Variants in TCEA3 observed in about 807,000 individuals in gnomAD.
The protein encoded by TCEA3 is transcription elongation factor A3.
TCEA3 carries 36 observed loss-of-function variants against 44.0 expected under a neutral mutation model. The observed-to-expected ratio is 0.82, with a 90% confidence interval of 0.63 to 1.08. The LOEUF is 1.08. TCEA3 is among the 50% of genes least tolerant of loss of function. TCEA3 has a pLI of 0.00. For synonymous variants in TCEA3, 162 were observed against 159.7 expected (o/e 1.01, Z -0.11); for missense variants, 392 against 441.2 (o/e 0.89, Z 1.00).
chr1:23,392,273 A>G (rs1015839407), intron 8 of TCEA3, among the ~76,000 whole-genome samples: 1 of 150,306 alleles, frequency 6.7e-6, no homozygotes, highest in African/African-American at 2.4e-5. Flanking sequence ...CATGCCACAC[A>G]TACACAAACC....
chr1:23,381,399 C>T lies in TCEA3; in HGVS notation c.*67G>A, dbSNP rs1638668604. ...TCCTTCACTTTAATTTTTATTGCTT[C>T]TCCAGTTCAGATAATTCAGCGCTTC... On this transcript the variant is annotated 3_prime_UTR_variant, in exon 11 of 11. Transcript: ENST00000450454. The T allele has an allele frequency of 1.3e-6, 1 of 777,752 alleles. No individual in the cohort carries two copies. 48.2% of individuals were successfully genotyped at this position (777,752 alleles called of 1,614,324 possible).
Position 23,394,023 on chromosome 1 carries a change from T to A in TCEA3, c.675A>T (p.Gln225His), listed in dbSNP as rs1488187843. The change falls in exon 8 of 11, where the codon CAA (glutamine) becomes CAT (histidine). Residue 225 changes from glutamine (Q) to histidine (H), a missense_variant. Gln to His is a conservative substitution (Grantham distance 24, BLOSUM62 0). Coordinates refer to ENST00000450454, the MANE Select transcript of TCEA3 (RefSeq NM_003196.3). ...ACTTCATGTCCGTGCTCTTGAGCTC[T>A]TGGTAGATATGTGACACAGTCAAGG... ...MASEIEDHIY[Q>H]ELKSTDMKYR... 3 of 1,613,904 alleles carry A rather than the reference T, an allele frequency of 1.9e-6. No homozygotes were observed. The South Asian group carries it at 3.3e-5, about 18-fold the overall frequency.
intron 7 of TCEA3, among the ~76,000 whole-genome samples, chr1:23,396,848 G>A (rs1639229589): frequency 6.6e-6 from 1 of 151,812 alleles, no homozygotes; most frequent in East Asian, 1.9e-4. Context: ...CCTACTAAAA[G>A]TACAAAATTA....
At chr1:23,408,521 G>T in intron 5 of TCEA3, 143 bp downstream of exon 5, 1 of 785,826 alleles carries the variant, frequency 1.3e-6, no homozygotes, top group Non-Finnish European at 2.0e-6. Context: ...AGACTGTGTG[G>T]GTCTTAGAAT....
chr1:23,396,702 A>T (rs535951288), intron 7 of TCEA3, among the ~76,000 whole-genome samples: 6 of 152,038 alleles, frequency 3.9e-5, no homozygotes, highest in Non-Finnish European at 8.8e-5. Flanking sequence ...ATTTGGGAGT[A>T]AAAAAACAGA....
chr1:23,383,226 G>T (rs1279384943), intron 10 of TCEA3, among the ~76,000 whole-genome samples: 1 of 148,722 alleles, frequency 6.7e-6, no homozygotes, highest in Non-Finnish European at 1.5e-5. Context: ...CTTGCAGTGA[G>T]CAGAGATCAC....
At chr1:23,417,464 G>T in intron 3 of TCEA3, 74 bp from the exon 4 acceptor site, 1 of 1,538,248 alleles carries the variant, frequency 6.5e-7, no homozygotes. Context: ...TTAGTGGGGA[G>T]AGAGCAAAGG....
At chr1:23,401,642 G>A (rs1639397996) in intron 5 of TCEA3, among the ~76,000 whole-genome samples, 1 of 152,154 alleles carries the variant, frequency 6.6e-6, no homozygotes, top group Admixed American at 6.5e-5. Context: ...CCCCAAAACT[G>A]GTTTCCCTGT....
chr1:23,402,047 A>C (rs975093888), intron 5 of TCEA3, among the ~76,000 whole-genome samples: 1 of 152,228 alleles, frequency 6.6e-6, no homozygotes, highest in African/African-American at 2.4e-5. Context: ...TTTAGCATAA[A>C]GTAAAACTCC....
chr1:23,389,044 A>C (rs1450739766), intron 8 of TCEA3, among the ~76,000 whole-genome samples: 1 of 152,176 alleles, frequency 6.6e-6, no homozygotes, highest in Non-Finnish European at 1.5e-5. Flanking sequence ...TTTAAGTCCT[A>C]GTGTGTTAAA....
At position 23,383,424 on chromosome 1, in the gene TCEA3, C is replaced by T. The variant is rs994732022; in HGVS notation, c.1038+922G>A. 17 of 943,526 alleles carry T rather than the reference C, an allele frequency of 1.8e-5. No individual in the cohort carries two copies. The African/African-American group carries it at 3.0e-4, about 17-fold the overall frequency. The allele number at this position is 943,526 out of a possible 1,614,324, so 58.4% of individuals were successfully genotyped here. ...AAGTAAGAATAACATTATAAAGGAACAATTCTTGTAGTTGTTTGCAAAGTG... is the reference window on the plus strand; with the variant it reads ...AAGTAAGAATAACATTATAAAGGAATAATTCTTGTAGTTGTTTGCAAAGTG... On this transcript the variant is annotated intron_variant, in intron 10 of 10. Transcript: ENST00000450454.
At position 23,413,536 on chromosome 1, in the gene TCEA3, C is replaced by T. The variant is rs534996633; in HGVS notation, c.380+3713G>A. Among the ~76,000 whole-genome samples the T allele has an allele frequency of 1.5e-4, 23 of 151,974 alleles. No homozygotes were observed. The South Asian group carries it at 1.7e-3, about 11-fold the overall frequency. On this transcript the variant is annotated intron_variant, in intron 4 of 10. Coordinates refer to ENST00000450454, the MANE Select transcript of TCEA3 (RefSeq NM_003196.3). ...GCAACCTCAGCCTCCCAAATTCAAG[C>T]GATCCTCCTGCCTCAGCCTCCCAAG...
chr1:23,394,036 G>A lies in TCEA3; in HGVS notation c.665-3C>T. 1.2e-6 allele frequency: 2 copies of A among 1,613,958 alleles called. No homozygotes were observed. Among genetic ancestry groups the A allele is most frequent in the Non-Finnish European group, 1.7e-6 (2 of 1,179,878 alleles). On this transcript the variant is annotated splice_polypyrimidine_tract_variant and splice_region_variant and intron_variant, in intron 7 of 10. Coordinates refer to ENST00000450454, the MANE Select transcript of TCEA3 (RefSeq NM_003196.3). ...GCTCTTGAGCTCTTGGTAGATATGT[G>A]ACACAGTCAAGGGCCGGCCAGCCAT...
At chr1:23,383,681 C>T (rs1638737436) in intron 10 of TCEA3, 8 of 985,340 alleles carry the variant, frequency 8.1e-6, no homozygotes, top group Admixed American at 6.1e-5. Flanking sequence ...TCACATGGTG[C>T]ACATGCAAGT....
intron 5 of TCEA3, among the ~76,000 whole-genome samples, chr1:23,400,495 C>A (rs1639367930): frequency 6.6e-6 from 1 of 151,796 alleles, no homozygotes; most frequent in Non-Finnish European, 1.5e-5. Context: ...AGGCATGAGC[C>A]ACTGTGCCTG....
chr1:23,413,986 G>GTATATATATATATATATATA (rs33960365), intron 4 of TCEA3, among the ~76,000 whole-genome samples: 32 of 141,022 alleles, frequency 2.3e-4, no homozygotes, highest in African/African-American at 8.0e-4. Flanking sequence ...CTAGCAGGAT[G>GTATATATATATATATATATA]TATATATATA....
chr1:23,414,179 TG>T (rs1170741496), intron 4 of TCEA3, among the ~76,000 whole-genome samples: 1 of 151,930 alleles, frequency 6.6e-6, no homozygotes, highest in African/African-American at 2.4e-5. Context: ...CTCCGCCTCC[TG>T]GGTCCCGGTT....
At chr1:23,391,646 G>T (rs1347313173) in intron 8 of TCEA3, among the ~76,000 whole-genome samples, 1 of 152,156 alleles carries the variant, frequency 6.6e-6, no homozygotes, top group Non-Finnish European at 1.5e-5. Flanking sequence ...AACTAGGCCA[G>T]GTGTCATGGT....
chr1:23,382,204 G>C (rs190507923), intron 10 of TCEA3, among the ~76,000 whole-genome samples: 3 of 151,914 alleles, frequency 2.0e-5, no homozygotes, highest in African/African-American at 7.3e-5. Flanking sequence ...GTGTCACCAC[G>C]CCTGGCTAAT....
Sources: allele counts gnomAD v4.1 joint callset (sites outside exome capture counted in the v4.1 genomes callset), GRCh38; gene constraint gnomAD v4.1.1; transcripts MANE v1.5; gene names NCBI Gene and HGNC (gene_info 2026-07-23, HGNC 2026-07-21).